PLXNB1: variants seen among roughly 807,000 people sequenced by gnomAD.
The protein encoded by PLXNB1 is plexin-B1.
In PLXNB1, 106 loss-of-function variants were observed where a neutral mutation model predicts 209.4. That is an observed-to-expected ratio of 0.51 (90% CI 0.43 to 0.59). The LOEUF is 0.59. Ranked by LOEUF, PLXNB1 falls within the 20% of genes least tolerant of loss-of-function variation. The pLI is 0.00. For synonymous variants in PLXNB1, 1,167 were observed against 1,183.2 expected (o/e 0.99, Z 0.28); for missense variants, 2,357 against 2,853.2 (o/e 0.83, Z 3.96).
At position 48,410,985 on chromosome 3, in the gene PLXNB1, C is replaced by T. The variant is rs149655601; in HGVS notation, c.5299G>A (p.Val1767Met). Reference protein sequence around the residue: ...VGPGAGEAQGVPVKVLDCDTI... With the variant: ...VGPGAGEAQGMPVKVLDCDTI... ...TCACAGTCTAGGACCTTCACGGGCA[C>T]GCCCTGGGCCTCTCCTGCCCCAGGC... The change falls in exon 29 of 38, where the codon GTG becomes ATG. Residue 1767 changes from valine (V) to methionine (M), a missense_variant. Transcript: ENST00000296440. The surrounding 1 kb of genome is among the most constrained non-coding windows in gnomAD (Gnocchi z 6.4). The T allele has an allele frequency of 6.5e-5, 105 of 1,613,794 alleles. No individual in the cohort carries two copies. The East Asian group carries it at 1.6e-3, about 24-fold the overall frequency.
At position 48,418,933 on chromosome 3, in the gene PLXNB1, G is replaced by A; in HGVS notation, c.2939C>T (p.Thr980Ile). 6.2e-7 allele frequency: 1 copy of A among 1,614,014 alleles called. No homozygotes were observed. The highest frequency in any genetic ancestry group is 8.5e-7 in the Non-Finnish European group (1 of 1,180,004). The change falls in exon 13 of 38, where the codon ACC (threonine) becomes ATC (isoleucine). Residue 980 changes from threonine to isoleucine, a missense_variant. By Grantham distance (89) the Thr-to-Ile change is moderately conservative. Around this residue, in one of 7 missense-constraint regions of PLXNB1, gnomAD observed 410 missense variants for 401.0 expected, o/e 1.02. Transcript: ENST00000296440. The surrounding 1 kb of genome is among the most constrained non-coding windows in gnomAD (Gnocchi z 6.6). Reference sequence around the variant, plus strand: ...GGTGTGCACCTGGTGCTGCTGGCAGGTGACATGGCACTGGGTATCTGGAGG... The same window carrying A: ...GGTGTGCACCTGGTGCTGCTGGCAGATGACATGGCACTGGGTATCTGGAGG... ...EPPPDTQCHV[T>I]CQQHQLSYEA...
chr3:48,421,466 C>T, intron 7 of PLXNB1, 82 bp from the exon 8 acceptor site: 1 of 1,428,098 alleles, frequency 7.0e-7, no homozygotes, highest in South Asian at 1.4e-5. Context: ...CCAATGTGGG[C>T]AGGCACCAGC....
In PLXNB1 at chr3:48,414,904, G is replaced by A. The variant is rs537759186; in HGVS notation, c.4104C>T (p.Asn1368=). 6.2e-6 allele frequency: 10 copies of A among 1,614,036 alleles called. No individual in the cohort carries two copies. The highest frequency in any genetic ancestry group is 1.6e-4 in the Middle Eastern group (1 of 6,062). The change falls in exon 21 of 38, where the codon AAC becomes AAT. Residue 1368 remains asparagine (N), a synonymous_variant. Transcript: ENST00000296440. ...DNLVFDFATL[N]PTPFSYEADP... is the part of the protein sequence containing the mutation. ...CGGCCTCATAGGAGAAAGGTGTGGG[G>A]TTCAGTGTTGCAAAGTCAAAGACCA...
In PLXNB1 at chr3:48,405,662, C is replaced by G. The variant is rs2037274090; in HGVS notation, c.6303+62G>C. 1.5e-6 allele frequency: 2 copies of G among 1,306,572 alleles called. No homozygotes were observed. The highest frequency in any genetic ancestry group is 1.8e-5 in the Admixed American group (1 of 55,986). 80.9% of individuals were successfully genotyped at this position (1,306,572 alleles called of 1,614,324 possible). On this transcript the variant is annotated intron_variant, in intron 37 of 37. Transcript: ENST00000296440. The surrounding 1 kb of genome is among the most constrained non-coding windows in gnomAD (Gnocchi z 5.0). Reference sequence around the variant, plus strand: ...CCCAACGTGAGTCACAGGGTCAGAGCCCCTTAAGTCTCCTGGGAGGCCTTG... The same window carrying G: ...CCCAACGTGAGTCACAGGGTCAGAGGCCCTTAAGTCTCCTGGGAGGCCTTG...
rs755173144 is a variant in PLXNB1 at position 48,409,702 on chromosome 3, C to T, written c.5808G>A (p.Leu1936=). 10 of 1,613,732 alleles carry T rather than the reference C, an allele frequency of 6.2e-6. No homozygotes were observed. In the African/African-American group the frequency reaches 1.2e-4, roughly 19 times the overall value. ...GGCTGGTGCTGAGAATCACCTGGAACAGGTCATCCACGAACTTCTGCAGGG... is the reference window on the plus strand; with the variant it reads ...GGCTGGTGCTGAGAATCACCTGGAATAGGTCATCCACGAACTTCTGCAGGG... ...KGTLQKFVDD[L]FQVILSTSRP... The change falls in exon 33 of 38, where the codon CTG becomes CTA. Residue 1936 remains leucine, a synonymous_variant. Transcript: ENST00000296440. The surrounding 1 kb of genome is among the most constrained non-coding windows in gnomAD (Gnocchi z 5.8).
intron 10 of PLXNB1, 114 bp from the exon 11 acceptor site, chr3:48,420,371 T>C: frequency 1.5e-6 from 1 of 675,152 alleles, no homozygotes; most frequent in South Asian, 1.9e-5. Context: ...AAAAGAGAAA[T>C]AAAAACAGCC....
chr3:48,413,589 A>T lies in PLXNB1; in HGVS notation c.4535+81T>A. The T allele has an allele frequency of 7.2e-7, 1 of 1,390,080 alleles. No homozygotes were observed. Among genetic ancestry groups the T allele is most frequent in the Non-Finnish European group, 9.7e-7 (1 of 1,030,742 alleles). 86.1% of individuals were successfully genotyped at this position (1,390,080 alleles called of 1,614,324 possible). On this transcript the variant is annotated intron_variant, in intron 23 of 37. Coordinates refer to ENST00000296440, the MANE Select transcript of PLXNB1 (RefSeq NM_001130082.3). The surrounding 1 kb of genome is among the most constrained non-coding windows in gnomAD (Gnocchi z 5.4). Reference sequence around the variant, plus strand: ...GGCCATTTACAGAGAATGTTTCCTGACTCCTGGCCCGGTCTGTCCCTTCCC... The same window carrying T: ...GGCCATTTACAGAGAATGTTTCCTGTCTCCTGGCCCGGTCTGTCCCTTCCC...
rs532773707 is a variant in PLXNB1 at position 48,415,331 on chromosome 3, A to G, written c.3811T>C (p.Cys1271Arg). ...KSFLSGGREI[C>R]VRGQNLDVVQ... is the part of the protein sequence containing the mutation. Reference sequence around the variant, plus strand: ...ACGTCCAGATTCTGGCCACGGACGCATATCTCACGTCCTCCACTGAAACAG... The same window carrying G: ...ACGTCCAGATTCTGGCCACGGACGCGTATCTCACGTCCTCCACTGAAACAG... Residue 1271 changes from cysteine (C) to arginine (R), a missense_variant, in exon 20 of 38, where the codon TGC becomes CGC. Physicochemically the swap from Cys to Arg is radical, Grantham distance 180. Around this residue, in one of 7 missense-constraint regions of PLXNB1, gnomAD observed 743 missense variants for 896.2 expected, o/e 0.83. Transcript: ENST00000296440. The surrounding 1 kb of genome is among the most constrained non-coding windows in gnomAD (Gnocchi z 5.0). 35 of 1,613,310 alleles carry G rather than the reference A, an allele frequency of 2.2e-5. No homozygotes were observed. Among genetic ancestry groups the G allele is most frequent in the African/African-American group, 1.1e-4 (8 of 74,904 alleles).
rs908906798 is a variant in PLXNB1, at chr3:48,419,134, G to A, written c.2833-95C>T. 6.3e-7 allele frequency: 1 copy of A among 1,575,446 alleles called. No homozygotes were observed. Among genetic ancestry groups the A allele is most frequent in the Non-Finnish European group, 8.7e-7 (1 of 1,155,332 alleles). On this transcript the variant is annotated intron_variant, in intron 12 of 37. Coordinates refer to ENST00000296440, the MANE Select transcript of PLXNB1 (RefSeq NM_001130082.3). This position sits in a 1 kb window ranked among gnomAD's most constrained non-coding sequence, Gnocchi z 5.7. Reference sequence around the variant, plus strand: ...ACAGATCCCCCAGCACAGCTTCTGGGTTGGAGTTGAGCCCTCGGACTCTGC... The same window carrying A: ...ACAGATCCCCCAGCACAGCTTCTGGATTGGAGTTGAGCCCTCGGACTCTGC...
Position 48,418,073 on chromosome 3 carries a change from A to G in PLXNB1, c.3223-11T>C, listed in dbSNP as rs755889398. 2.5e-6 allele frequency: 4 copies of G among 1,611,596 alleles called. No homozygotes were observed. The highest frequency in any genetic ancestry group is 1.3e-5 in the African/African-American group (1 of 74,932). On this transcript the variant is annotated splice_polypyrimidine_tract_variant and intron_variant, in intron 15 of 37. Coordinates refer to ENST00000296440, the MANE Select transcript of PLXNB1 (RefSeq NM_001130082.3). The surrounding 1 kb of genome is among the most constrained non-coding windows in gnomAD (Gnocchi z 6.6). ...AGTCAGTGGCTCCACCTGTTCCAGG[A>G]CAAGGACTGCTCACCTCTACTCAAC...
At position 48,417,778 on chromosome 3, in the gene PLXNB1, G is replaced by C; in HGVS notation, c.3374+133C>G. 1 of 990,342 alleles carries C rather than the reference G, an allele frequency of 1.0e-6. No individual in the cohort carries two copies. Among genetic ancestry groups the C allele is most frequent in the Non-Finnish European group, 1.5e-6 (1 of 671,430 alleles). The allele number at this position is 990,342 out of a possible 1,614,324, so 61.3% of individuals were successfully genotyped here. A position where few individuals can be genotyped will look rare whatever the true frequency, so the allele number is the denominator to read the frequency against. On this transcript the variant is annotated intron_variant, in intron 16 of 37. Transcript: ENST00000296440. This position sits in a 1 kb window ranked among gnomAD's most constrained non-coding sequence, Gnocchi z 4.4. The stretch of plus-strand genomic sequence containing the variant: ...GTCTTCAGTGGCAACGCTGGCACTC[G>C]GGCATTGTGGCCAGGATCAAGGAAC...
In PLXNB1 at chr3:48,416,408, C is replaced by T. The variant is rs1430503594; in HGVS notation, c.3418G>A (p.Ala1140Thr). ...TGASGEEVAG[A>T]TAVEVPGRGR... Reference sequence around the variant, plus strand: ...CTTCCCGGCACCTCCACCGCTGTGGCGCCGGCCACCTCCTCCCCACTGGCC... The same window carrying T: ...CTTCCCGGCACCTCCACCGCTGTGGTGCCGGCCACCTCCTCCCCACTGGCC... Residue 1140 changes from alanine to threonine, a missense_variant, in exon 17 of 38, where the codon GCC (alanine) becomes ACC (threonine). Ala to Thr is a moderately conservative substitution (Grantham distance 58, BLOSUM62 0). Transcript: ENST00000296440. This position sits in a 1 kb window ranked among gnomAD's most constrained non-coding sequence, Gnocchi z 4.1. The T allele has an allele frequency of 1.2e-6, 2 of 1,613,176 alleles. No individual in the cohort carries two copies. Among genetic ancestry groups the T allele is most frequent in the South Asian group, 1.1e-5 (1 of 91,060 alleles).
Position 48,413,309 on chromosome 3 carries a change from T to C in PLXNB1, c.4536-140A>G. Reference sequence around the variant, plus strand: ...CCAGCCAAGCTCAAGCCTAGCCCAGTACGATTCAGCCTGTCCCGTCCCAAG... The same window carrying C: ...CCAGCCAAGCTCAAGCCTAGCCCAGCACGATTCAGCCTGTCCCGTCCCAAG... On this transcript the variant is annotated intron_variant, in intron 23 of 37. Transcript: ENST00000296440. The surrounding 1 kb of genome is among the most constrained non-coding windows in gnomAD (Gnocchi z 5.4). 1.4e-6 allele frequency: 1 copy of C among 705,738 alleles called. No homozygotes were observed. Among genetic ancestry groups the C allele is most frequent in the Non-Finnish European group, 2.5e-6 (1 of 405,766 alleles). 43.7% of individuals were successfully genotyped at this position (705,738 alleles called of 1,614,324 possible).
chr3:48,414,368 C>G (rs1048832375), intron 21 of PLXNB1, among the ~76,000 whole-genome samples: 2 of 152,200 alleles, frequency 1.3e-5, no homozygotes, highest in African/African-American at 4.8e-5. Context: ...TGATGACTCA[C>G]CAGGGGGGTG....
chr3:48,415,955 C>G lies in PLXNB1; in HGVS notation c.3617+76G>C. 6.7e-7 allele frequency: 1 copy of G among 1,502,884 alleles called. No individual in the cohort carries two copies. Among genetic ancestry groups the G allele is most frequent in the South Asian group, 1.2e-5 (1 of 80,460 alleles). The allele number at this position is 1,502,884 out of a possible 1,614,324, so 93.1% of individuals were successfully genotyped here. On this transcript the variant is annotated intron_variant, in intron 18 of 37. Transcript: ENST00000296440. The surrounding 1 kb of genome is among the most constrained non-coding windows in gnomAD (Gnocchi z 5.0). ...GACTGGCCCTCTTCCCCTTTCTGCT[C>G]TCCCCAGGATCTCAGACCCCTCCAT...
Position 48,416,607 on chromosome 3 carries a change from T to C in PLXNB1, c.3375-156A>G. 3.9e-6 allele frequency: 2 copies of C among 509,380 alleles called. No homozygotes were observed. The highest frequency in any genetic ancestry group is 6.9e-6 in the Non-Finnish European group (2 of 290,302). The allele number at this position is 509,380 out of a possible 1,614,324, so 31.6% of individuals were successfully genotyped here. A position where few individuals can be genotyped will look rare whatever the true frequency, so the allele number is the denominator to read the frequency against. On this transcript the variant is annotated intron_variant, in intron 16 of 37. Transcript: ENST00000296440. This position sits in a 1 kb window ranked among gnomAD's most constrained non-coding sequence, Gnocchi z 4.1. ...CCCTCTCTCACTTTGGAGGGAATTC[T>C]TTATGACACATCAGAAGGCCTTGGT... is the stretch of plus-strand genomic sequence containing the variant.
In PLXNB1 at chr3:48,412,437, C is replaced by T; in HGVS notation, c.5033+5G>A. ...GGCCCACCCAGCCCCAACAGCCACA[C>T]AGACCTGCGCAGCATCAGCTTGGGG... is the stretch of plus-strand genomic sequence containing the variant. On this transcript the variant is annotated splice_donor_5th_base_variant and intron_variant, in intron 26 of 37. Transcript: ENST00000296440. 6.2e-7 allele frequency: 1 copy of T among 1,613,254 alleles called. No individual in the cohort carries two copies. The highest frequency in any genetic ancestry group is 8.5e-7 in the Non-Finnish European group (1 of 1,179,794).
At position 48,409,290 on chromosome 3, in the gene PLXNB1, C is replaced by T. The variant is rs777176407; in HGVS notation, c.6087+39G>A. On this transcript the variant is annotated intron_variant, in intron 34 of 37. Coordinates refer to ENST00000296440, the MANE Select transcript of PLXNB1 (RefSeq NM_001130082.3). The surrounding 1 kb of genome is among the most constrained non-coding windows in gnomAD (Gnocchi z 5.8). ...TGAGTGCACACACAGCACTGTCCACCCTCACCCATCCCCCCGTGTCCATCC... is the reference window on the plus strand; with the variant it reads ...TGAGTGCACACACAGCACTGTCCACTCTCACCCATCCCCCCGTGTCCATCC... 10 of 1,557,148 alleles carry T rather than the reference C, an allele frequency of 6.4e-6. No homozygotes were observed. The African/African-American group carries it at 1.6e-4, about 25-fold the overall frequency.
At position 48,411,823 on chromosome 3, in the gene PLXNB1, C is replaced by G; in HGVS notation, c.5247+40G>C. The G allele has an allele frequency of 6.2e-7, 1 of 1,606,182 alleles. No individual in the cohort carries two copies. On this transcript the variant is annotated intron_variant, in intron 28 of 37. Coordinates refer to ENST00000296440, the MANE Select transcript of PLXNB1 (RefSeq NM_001130082.3). The surrounding 1 kb of genome is among the most constrained non-coding windows in gnomAD (Gnocchi z 4.0). ...CACACACTCTCCACCCTCGCCCTCACCGCACTCAGACTGCAGGCCACACAC... is the reference window on the plus strand; with the variant it reads ...CACACACTCTCCACCCTCGCCCTCAGCGCACTCAGACTGCAGGCCACACAC...
Sources: allele counts gnomAD v4.1 joint callset (sites outside exome capture counted in the v4.1 genomes callset), GRCh38; gene constraint gnomAD v4.1.1; regional missense constraint gnomAD v4.1.1; non-coding constraint Gnocchi (gnomAD v3.1); transcripts MANE v1.5; gene names NCBI Gene and HGNC (gene_info 2026-07-23, HGNC 2026-07-21).